EIF3J: variants seen among roughly 807,000 people sequenced by gnomAD.
EIF3J encodes the protein eukaryotic translation initiation factor 3 subunit J.
In EIF3J, 15 loss-of-function variants were observed where a neutral mutation model predicts 39.0. That is an observed-to-expected ratio of 0.38 (90% CI 0.26 to 0.59). EIF3J has a LOEUF of 0.59. Ranked by LOEUF, EIF3J falls within the 20% of genes least tolerant of loss-of-function variation. The pLI, the probability that EIF3J is intolerant of heterozygous loss-of-function variation, is 0.60. For missense variants in EIF3J, 226 were observed against 308.6 expected, an observed-to-expected ratio of 0.73 and a Z score of 2.00; for synonymous variants, 98 against 112.9, an observed-to-expected ratio of 0.87 and a Z score of 0.84.
In EIF3J at chr15:44,560,335, T is replaced by C. The variant is rs753132820; in HGVS notation, c.645+13T>C. ...GAAGCAAGAAAAGGTAAGAGCAAGCTGTGTAGGGAAATGGGTATTAAATTA... is the reference window on the plus strand; with the variant it reads ...GAAGCAAGAAAAGGTAAGAGCAAGCCGTGTAGGGAAATGGGTATTAAATTA... On this transcript the variant is annotated intron_variant, in intron 7 of 7. Coordinates refer to ENST00000261868, the MANE Select transcript of EIF3J (RefSeq NM_003758.4). The C allele has an allele frequency of 1.9e-5, 31 of 1,611,784 alleles. No individual in the cohort carries two copies. In the Admixed American group the frequency reaches 3.2e-4, roughly 16 times the overall value.
At position 44,562,077 on chromosome 15, in the gene EIF3J, G is replaced by T. The variant is rs564382277; in HGVS notation, c.*928G>T. 1 of 152,722 alleles carries T rather than the reference G, an allele frequency of 6.5e-6. No homozygotes were observed. Among genetic ancestry groups the T allele is most frequent in the Non-Finnish European group, 1.5e-5 (1 of 68,026 alleles). The allele number at this position is 152,722 out of a possible 1,614,324, so 9.5% of individuals were successfully genotyped here. The stretch of plus-strand genomic sequence containing the variant: ...CAACTAATTTAATAAAATCACTGTT[G>T]TGAGGACTTAAATTTTGTGTTACCT... On this transcript the variant is annotated 3_prime_UTR_variant, in exon 8 of 8. Coordinates refer to ENST00000261868, the MANE Select transcript of EIF3J (RefSeq NM_003758.4).
chr15:44,546,522 G>A (rs1031942947), intron 2 of EIF3J, among the ~76,000 whole-genome samples: 2 of 152,144 alleles, frequency 1.3e-5, no homozygotes, highest in African/African-American at 2.4e-5. Flanking sequence ...GTCATATTGT[G>A]GCATATTAGT....
At chr15:44,537,451 G>A in intron 2 of EIF3J, 24 bp downstream of exon 2, 1 of 1,511,572 alleles carries the variant, frequency 6.6e-7, no homozygotes. Flanking sequence ...AGGGCGCCGG[G>A]CAGCGCGGAA....
intron 7 of EIF3J, among the ~76,000 whole-genome samples, chr15:44,560,763 GCTGT>G (rs1480894515): frequency 6.6e-6 from 1 of 152,150 alleles, no homozygotes; most frequent in Admixed American, 6.5e-5. Context: ...TGAAGTTAAG[GCTGT>G]CTACCAATAA....
intron 5 of EIF3J, among the ~76,000 whole-genome samples, chr15:44,556,238 C>G (rs2082143365): frequency 6.6e-6 from 1 of 152,214 alleles, no homozygotes; most frequent in African/African-American, 2.4e-5. Context: ...CAAATACTTT[C>G]ACAGGATCCA....
At chr15:44,551,313 T>C (rs2082097139) in intron 3 of EIF3J, 118 bp from the exon 4 acceptor site, 1 of 686,054 alleles carries the variant, frequency 1.5e-6, no homozygotes, top group Non-Finnish European at 2.4e-6. Flanking sequence ...GTGAGAAAAA[T>C]CACTGTTTGA....
chr15:44,546,042 A>G (rs773316334), intron 2 of EIF3J, among the ~76,000 whole-genome samples: 10 of 152,212 alleles, frequency 6.6e-5, no homozygotes, highest in Non-Finnish European at 1.0e-4. Flanking sequence ...CCTATCTGAA[A>G]CACTGCCCCC....
intron 7 of EIF3J, 104 bp downstream of exon 7, chr15:44,560,426 A>G (rs2082182192): frequency 9.4e-7 from 1 of 1,069,010 alleles, no homozygotes. Context: ...AAAGTCAAGC[A>G]ACTCACTAAT....
intron 2 of EIF3J, among the ~76,000 whole-genome samples, chr15:44,538,669 G>T (rs887026130): frequency 1.3e-5 from 2 of 152,180 alleles, no homozygotes; most frequent in Non-Finnish European, 2.9e-5. Context: ...AAATCGACTG[G>T]TTATTGTTTG....
intron 5 of EIF3J, among the ~76,000 whole-genome samples, chr15:44,556,164 C>A (rs867862074): frequency 5.9e-5 from 9 of 152,090 alleles, no homozygotes; most frequent in African/African-American, 2.2e-4. Flanking sequence ...CCATGCACAG[C>A]CTAGGCCAGA....
At chr15:44,540,077 T>A (rs2081998377) in intron 2 of EIF3J, among the ~76,000 whole-genome samples, 4 of 150,566 alleles carry the variant, frequency 2.7e-5, no homozygotes, top group Admixed American at 2.6e-4. Context: ...TAGCTGGGAT[T>A]ACAAGCGCCC....
intron 2 of EIF3J, among the ~76,000 whole-genome samples, chr15:44,546,816 CTTTTT>C (rs1160471321): frequency 4.6e-3 from 361 of 78,814 alleles, no homozygotes; most frequent in East Asian, 0.032. Flanking sequence ...GAGTATAGAT[CTTTTT>C]TTTTTTTTTT....
chr15:44,558,330 G>A (rs543261502), intron 6 of EIF3J, among the ~76,000 whole-genome samples: 5 of 152,136 alleles, frequency 3.3e-5, no homozygotes, highest in South Asian at 4.1e-4. Context: ...CTGGTCTGGC[G>A]CAGTGGCTCA....
At chr15:44,557,320 C>G (rs992438490) in intron 5 of EIF3J, among the ~76,000 whole-genome samples, 169 bp from the exon 6 acceptor site, 18 of 152,074 alleles carry the variant, frequency 1.2e-4, no homozygotes, top group African/African-American at 4.3e-4. Flanking sequence ...TGTAACCCCC[C>G]TCCCCCCTCA....
At chr15:44,560,972 C>G in intron 7 of EIF3J, 46 bp from the exon 8 acceptor site, 1 of 1,600,808 alleles carries the variant, frequency 6.2e-7, no homozygotes, top group Non-Finnish European at 8.5e-7. Context: ...AGATAAGATG[C>G]CCATAGCACA....
Position 44,552,393 on chromosome 15 carries a change from C to T in EIF3J, c.294+871C>T, listed in dbSNP as rs540311992. On this transcript the variant is annotated intron_variant, in intron 4 of 7. Coordinates refer to ENST00000261868, the MANE Select transcript of EIF3J (RefSeq NM_003758.4). ...ATCCCAGGTTGGAATTACAGGCACA[C>T]GCAACCATGCCTGGCTAATCTTTGT... Among the ~76,000 whole-genome samples the T allele has an allele frequency of 9.2e-5, 14 of 151,854 alleles. No individual in the cohort carries two copies. In the East Asian group the frequency reaches 2.0e-3, roughly 21 times the overall value.
chr15:44,545,459 A>G (rs1438167280), intron 2 of EIF3J, among the ~76,000 whole-genome samples: 1 of 152,236 alleles, frequency 6.6e-6, no homozygotes, highest in Non-Finnish European at 1.5e-5. Context: ...ATTGAACTCT[A>G]CTAAACCGTG....
At chr15:44,560,643 T>C in intron 7 of EIF3J, 1 of 347,186 alleles carries the variant, frequency 2.9e-6, no homozygotes, top group Non-Finnish European at 5.2e-6. Context: ...AATACTCACT[T>C]TGCAGAGTAT....
intron 2 of EIF3J, among the ~76,000 whole-genome samples, chr15:44,548,468 A>G (rs2082071995): frequency 6.6e-6 from 1 of 152,214 alleles, no homozygotes; most frequent in Non-Finnish European, 1.5e-5. Flanking sequence ...GAGAGACAGT[A>G]GACTAGTGGG....
Sources: gnomAD v4.1 joint callset for allele counts (sites outside exome capture counted in the v4.1 genomes callset) on GRCh38, gnomAD v4.1.1 for gene constraint, MANE v1.5 for transcripts, NCBI Gene and HGNC (gene_info 2026-07-23, HGNC 2026-07-21) for gene names.